The following WDR64 variants were observed in gnomAD, a reference collection of about 807,000 sequenced individuals.
WDR64 encodes WD repeat domain 64.
Under a neutral mutation model 139.3 loss-of-function variants are expected in WDR64, and 112 were observed. The observed-to-expected ratio is 0.80, with a 90% CI of 0.69 to 0.94. The LOEUF (loss-of-function observed/expected upper bound fraction) is 0.94, where lower values mean the gene tolerates loss of function less well. WDR64 is among the 40% of genes least tolerant of loss of function. WDR64 has a pLI of 0.00. For missense variants in WDR64, 1,206 were observed against 1,293.1 expected (o/e 0.93, Z 1.03); for synonymous variants, 444 against 437.7 (o/e 1.01, Z -0.18).
chr1:241,765,548 A>G (rs1252257777), intron 15 of WDR64, among the ~76,000 whole-genome samples: 3 of 152,232 alleles, frequency 2.0e-5, no homozygotes, highest in African/African-American at 7.2e-5. Context: ...AGTTTCAGGA[A>G]GGGGAGAGCA....
intron 26 of WDR64, among the ~76,000 whole-genome samples, chr1:241,795,783 T>C (rs1029319858): frequency 1.9e-4 from 29 of 152,176 alleles, no homozygotes; most frequent in African/African-American, 6.8e-4. Context: ...CAGGTAACCT[T>C]TGTTAGACAA....
intron 27 of WDR64, among the ~76,000 whole-genome samples, chr1:241,798,372 G>T (rs1659427451): frequency 6.6e-6 from 1 of 152,052 alleles, no homozygotes; most frequent in African/African-American, 2.4e-5. Context: ...GGTCAAAATT[G>T]GTTTCCAATA....
At chr1:241,674,860 TC>T (rs1666412574) in intron 4 of WDR64, 113 bp downstream of exon 4, 1 of 141,552 alleles carries the variant, frequency 7.1e-6, no homozygotes, top group Admixed American at 1.4e-4. Flanking sequence ...CTTTCCTTCC[TC>T]CCTCCCTCCT....
intron 1 of WDR64, among the ~76,000 whole-genome samples, chr1:241,658,596 G>A (rs1299174709): frequency 6.8e-6 from 1 of 146,620 alleles, no homozygotes; most frequent in Non-Finnish European, 1.5e-5. Context: ...TCATGATTGT[G>A]CCACTGCACT....
At chr1:241,746,513 T>TG (rs1669760129) in intron 13 of WDR64, among the ~76,000 whole-genome samples, 1 of 147,210 alleles carries the variant, frequency 6.8e-6, no homozygotes, top group South Asian at 2.1e-4. Context: ...TACCATAGAG[T>TG]GGGTGGTGTT....
At chr1:241,706,312 G>A (rs79372379) in intron 8 of WDR64, among the ~76,000 whole-genome samples, 3,871 of 152,312 alleles carry the variant, frequency 0.025, 74 homozygotes, top group African/African-American at 0.05. Context: ...AGGTAGCTTC[G>A]CTGGAGCCAT....
At chr1:241,708,651 C>T (rs1254041788) in intron 8 of WDR64, among the ~76,000 whole-genome samples, 1 of 148,040 alleles carries the variant, frequency 6.8e-6, no homozygotes, top group Admixed American at 6.8e-5. Flanking sequence ...TGACTCCACC[C>T]TTGGAGAGTC....
At chr1:241,669,733 A>T (rs1666151967) in intron 2 of WDR64, among the ~76,000 whole-genome samples, 1 of 152,224 alleles carries the variant, frequency 6.6e-6, no homozygotes, top group African/African-American at 2.4e-5. Context: ...CATATATTAA[A>T]ATATTAATAT....
intron 16 of WDR64, among the ~76,000 whole-genome samples, chr1:241,769,046 C>A (rs746507445): frequency 6.6e-6 from 1 of 152,138 alleles, no homozygotes; most frequent in Non-Finnish European, 1.5e-5. Context: ...GCAGGAGGAT[C>A]GCTTGAGCCC....
At chr1:241,735,841 CTCTCTCTCTCTCTCTGTGTGTGTGTGTG>C (rs1558498308) in intron 10 of WDR64, among the ~76,000 whole-genome samples, 1 of 114,994 alleles carries the variant, frequency 8.7e-6, no homozygotes, top group African/African-American at 3.2e-5. Flanking sequence ...CTCTCTCTCT[CTCTCTCTCTCTCTCTGTGTGTGTGTGTG>C]TGTGTGTGTG....
At chr1:241,714,955 A>T (rs1668344634) in intron 9 of WDR64, among the ~76,000 whole-genome samples, 1 of 152,222 alleles carries the variant, frequency 6.6e-6, no homozygotes, top group South Asian at 2.1e-4. Flanking sequence ...ACAGGGAGAT[A>T]AACTAAAAAT....
chr1:241,741,590 C>T lies in WDR64; in HGVS notation c.1396C>T (p.Arg466Ter), dbSNP rs775974984. ...AAAACAGGTTCCTCACACTCATGAACGAGAAATCAATGTCATGCTTTACAA... is the reference window on the plus strand; with the variant it reads ...AAAACAGGTTCCTCACACTCATGAATGAGAAATCAATGTCATGCTTTACAA... ...DTKQVPHTHE[R>*]EINVMLYNKY... The change falls in exon 12 of 28, where the codon CGA becomes TGA. Residue 466 changes from arginine (R) to a stop codon, truncating the protein, a stop_gained. Transcript: ENST00000437684. LOFTEE classifies it high-confidence loss of function. 16 of 1,613,178 alleles carry T rather than the reference C, an allele frequency of 9.9e-6. No individual in the cohort carries two copies. Among genetic ancestry groups the T allele is most frequent in the Admixed American group, 3.3e-5 (2 of 59,928 alleles).
chr1:241,796,805 T>A (rs1486823443), intron 27 of WDR64, among the ~76,000 whole-genome samples: 1 of 152,236 alleles, frequency 6.6e-6, no homozygotes, highest in African/African-American at 2.4e-5. Flanking sequence ...CAGTTCATAT[T>A]TTTTATGAAT....
At chr1:241,719,066 C>T (rs1668509465) in intron 9 of WDR64, among the ~76,000 whole-genome samples, 1 of 152,126 alleles carries the variant, frequency 6.6e-6, no homozygotes, top group African/African-American at 2.4e-5. Context: ...ATCAGCTATG[C>T]AATGAGTTTT....
intron 15 of WDR64, among the ~76,000 whole-genome samples, chr1:241,764,364 T>C (rs1658052934): frequency 6.6e-6 from 1 of 151,940 alleles, no homozygotes; most frequent in Non-Finnish European, 1.5e-5. Context: ...TTAAAAGATA[T>C]AAGGATGACC....
At chr1:241,798,544 C>G (rs1486662972) in intron 27 of WDR64, among the ~76,000 whole-genome samples, 1 of 152,148 alleles carries the variant, frequency 6.6e-6, no homozygotes, top group Non-Finnish European at 1.5e-5. Flanking sequence ...CCAAATGCCT[C>G]GTTTCATAAA....
intron 9 of WDR64, among the ~76,000 whole-genome samples, chr1:241,713,859 A>G (rs1157246423): frequency 6.6e-6 from 1 of 152,206 alleles, no homozygotes; most frequent in Non-Finnish European, 1.5e-5. Context: ...TGGAGATGCA[A>G]TGCTTTTGGG....
At chr1:241,765,330 A>T (rs1658104781) in intron 15 of WDR64, among the ~76,000 whole-genome samples, 1 of 152,218 alleles carries the variant, frequency 6.6e-6, no homozygotes, top group Admixed American at 6.5e-5. Flanking sequence ...CTAGATAATT[A>T]GGTCACTAGC....
At chr1:241,689,997 CAGA>C (rs1439180956) in intron 8 of WDR64, among the ~76,000 whole-genome samples, 3 of 151,530 alleles carry the variant, frequency 2.0e-5, no homozygotes, top group Non-Finnish European at 1.5e-5. Context: ...ATGAGAACAC[CAGA>C]AGAAGAAAGG....
Sources: allele counts gnomAD v4.1 joint callset (sites outside exome capture counted in the v4.1 genomes callset), GRCh38; gene constraint gnomAD v4.1.1; transcripts MANE v1.5; gene names NCBI Gene and HGNC (gene_info 2026-07-23, HGNC 2026-07-21).